The following DLGAP2 variants were observed in gnomAD, a reference collection of about 807,000 sequenced individuals.
The protein encoded by DLGAP2 is DLG associated protein 2, also known as disks large-associated protein 2.
DLGAP2 carries 26 observed loss-of-function variants against 100.3 expected under a neutral mutation model. The ratio of observed to expected loss-of-function variants is 0.26; its 90% confidence interval spans 0.19 to 0.36. The LOEUF (loss-of-function observed/expected upper bound fraction) is 0.36, where lower values mean the gene tolerates loss of function less well. DLGAP2 is among the 10% of genes least tolerant of loss of function. The probability of loss-of-function intolerance (pLI) is 1.00; values close to 1 mark genes in which losing one functional copy is unlikely to be tolerated. For missense variants in DLGAP2, 1,858 were observed against 1,453.2 expected (o/e 1.28, Z -4.53); for synonymous variants, 886 against 630.1 (o/e 1.41, Z -6.08).
chr8:854,937 C>G (rs1274116001), intron 1 of DLGAP2, among the ~76,000 whole-genome samples: 3 of 152,214 alleles, frequency 2.0e-5, no homozygotes, highest in Admixed American at 2.0e-4. Flanking sequence ...AAAGGTGGTG[C>G]TGGCAGCAAC....
intron 3 of DLGAP2, among the ~76,000 whole-genome samples, chr8:1,359,533 A>C (rs1415944477): frequency 1.3e-5 from 2 of 152,206 alleles, no homozygotes; most frequent in Non-Finnish European, 2.9e-5. Flanking sequence ...CGTGGGGACC[A>C]CCCGAAGGCC....
intron 3 of DLGAP2, among the ~76,000 whole-genome samples, chr8:1,272,217 G>A (rs566872723): frequency 6.6e-6 from 1 of 152,296 alleles, no homozygotes; most frequent in Non-Finnish European, 1.5e-5. Context: ...TAGGTAAAAT[G>A]TAGGACAAAT....
intron 8 of DLGAP2, among the ~76,000 whole-genome samples, chr8:1,646,271 G>A (rs569261794): frequency 2.0e-5 from 3 of 152,076 alleles, no homozygotes; most frequent in Non-Finnish European, 2.9e-5. Flanking sequence ...CCATGAGCCC[G>A]CCCAGATCTC....
At chr8:1,430,672 T>A (rs1797400528) in intron 3 of DLGAP2, among the ~76,000 whole-genome samples, 2 of 152,250 alleles carry the variant, frequency 1.3e-5, no homozygotes, top group Admixed American at 6.5e-5. Context: ...CTGCCTTTCA[T>A]ACTTTCTTGA....
chr8:1,521,401 G>A (rs1186048267), intron 4 of DLGAP2, among the ~76,000 whole-genome samples: 2 of 62,604 alleles, frequency 3.2e-5, no homozygotes, highest in African/African-American at 1.0e-4. Context: ...GATATGGAGC[G>A]TCTCTGGTTT....
chr8:889,968 G>T (rs1167088201), intron 1 of DLGAP2, among the ~76,000 whole-genome samples: 1 of 152,076 alleles, frequency 6.6e-6, no homozygotes, highest in Non-Finnish European at 1.5e-5. Context: ...TGGGTAGTGT[G>T]CTCACTCACC....
chr8:1,010,929 G>T (rs574972829), intron 2 of DLGAP2, among the ~76,000 whole-genome samples: 43 of 152,014 alleles, frequency 2.8e-4, no homozygotes, highest in African/African-American at 9.9e-4. Flanking sequence ...CCCAGGCGAG[G>T]GGCCTCAGTC....
At chr8:1,255,622 CTGTGTGTGTGTGT>C (rs1799183869) in intron 2 of DLGAP2, among the ~76,000 whole-genome samples, 2 of 113,414 alleles carry the variant, frequency 1.8e-5, no homozygotes, top group African/African-American at 5.4e-5. Context: ...TGCCTGGGTG[CTGTGTGTGTGTGT>C]CCTCATCCTG....
chr8:1,664,813 C>T (rs1233874238), intron 8 of DLGAP2, among the ~76,000 whole-genome samples: 3 of 152,224 alleles, frequency 2.0e-5, no homozygotes, highest in African/African-American at 4.8e-5. Context: ...CAGCTAATTG[C>T]TTCAAACCAC....
At chr8:810,837 C>T (rs959550483) in intron 1 of DLGAP2, among the ~76,000 whole-genome samples, 4 of 152,200 alleles carry the variant, frequency 2.6e-5, no homozygotes, top group African/African-American at 7.2e-5. Flanking sequence ...TTCAGTAATG[C>T]AGTTATGTTC....
At chr8:1,494,760 G>T (rs530729650) in intron 3 of DLGAP2, among the ~76,000 whole-genome samples, 1 of 151,958 alleles carries the variant, frequency 6.6e-6, no homozygotes, top group East Asian at 1.9e-4. Context: ...AAGAAACGAG[G>T]TGCCACTCAA....
At chr8:1,510,677 G>A (rs988501531) in intron 4 of DLGAP2, among the ~76,000 whole-genome samples, 1 of 152,236 alleles carries the variant, frequency 6.6e-6, no homozygotes, top group African/African-American at 2.4e-5. Flanking sequence ...CACAGAGAGA[G>A]TGGTGACTTC....
chr8:1,060,630 G>C (rs188369001), intron 2 of DLGAP2, among the ~76,000 whole-genome samples: 145 of 152,304 alleles, frequency 9.5e-4, no homozygotes, highest in African/African-American at 2.8e-3. Flanking sequence ...CCTCATTCCC[G>C]AGTAAGATCA....
chr8:1,667,649 C>G (rs185547299), intron 8 of DLGAP2, among the ~76,000 whole-genome samples: 1 of 152,220 alleles, frequency 6.6e-6, no homozygotes, highest in Non-Finnish European at 1.5e-5. Context: ...TCAACAGCCG[C>G]GATTAACATC....
At chr8:1,274,171 T>C (rs1403613233) in intron 3 of DLGAP2, among the ~76,000 whole-genome samples, 1 of 151,806 alleles carries the variant, frequency 6.6e-6, no homozygotes, top group Non-Finnish European at 1.5e-5. Flanking sequence ...AATATTTTAA[T>C]TTTAAAATAA....
At chr8:1,262,214 G>C (rs892141004) in intron 3 of DLGAP2, among the ~76,000 whole-genome samples, 1 of 152,128 alleles carries the variant, frequency 6.6e-6, no homozygotes. Flanking sequence ...CTACAGTTGG[G>C]GAATCTCTAC....
intron 1 of DLGAP2, among the ~76,000 whole-genome samples, chr8:889,335 G>A (rs1456790943): frequency 6.6e-6 from 1 of 152,190 alleles, no homozygotes; most frequent in Non-Finnish European, 1.5e-5. Flanking sequence ...GAGAGGGTGT[G>A]TTTCACTGCA....
In DLGAP2 at chr8:1,338,032, A is replaced by G. The variant is rs533691103; in HGVS notation, c.106+79149A>G. Among the ~76,000 whole-genome samples, 5 of 152,360 alleles carry G rather than the reference A, an allele frequency of 3.3e-5. No individual in the cohort carries two copies. The East Asian group carries it at 7.7e-4, about 24-fold the overall frequency. ...GACGGCTGTCACTGAAGAATGGACA[A>G]TGACAAGTATTGCTGAGGACTGGAG... is the stretch of plus-strand genomic sequence containing the variant. On this transcript the variant is annotated intron_variant, in intron 3 of 14. Transcript: ENST00000637795.
chr8:962,416 G>A (rs149341608), intron 2 of DLGAP2, among the ~76,000 whole-genome samples: 36 of 152,272 alleles, frequency 2.4e-4, no homozygotes, highest in African/African-American at 8.2e-4. Context: ...AGTGCAAGTC[G>A]CTTGCCTTTG....
Sources: allele counts gnomAD v4.1 joint callset (sites outside exome capture counted in the v4.1 genomes callset), GRCh38; gene constraint gnomAD v4.1.1; transcripts MANE v1.5; gene names NCBI Gene and HGNC (gene_info 2026-07-23, HGNC 2026-07-21).